The following HIPK2 variants were observed in gnomAD, a reference collection of about 807,000 sequenced individuals.
The protein encoded by HIPK2 is homeodomain interacting protein kinase 2.
In HIPK2, 27 loss-of-function variants were observed where a neutral mutation model predicts 113.7. That is an observed-to-expected ratio of 0.24 (90% confidence interval 0.17 to 0.33). HIPK2 has a LOEUF of 0.33. Ranked by LOEUF, HIPK2 falls within the 10% of genes least tolerant of loss-of-function variation. The pLI, the probability that HIPK2 is intolerant of heterozygous loss-of-function variation, is 1.00. For synonymous variants in HIPK2, 631 were observed against 642.2 expected (o/e 0.98, Z 0.26); for missense variants, 1,257 against 1,588.0 (o/e 0.79, Z 3.54).
chr7:139,645,547 C>G (rs1801181244), intron 2 of HIPK2, among the ~76,000 whole-genome samples: 1 of 152,186 alleles, frequency 6.6e-6, no homozygotes, highest in Admixed American at 6.5e-5. Context: ...CCGAAACCCA[C>G]TAATACCCTA....
At chr7:139,706,636 C>T (rs192904080) in intron 2 of HIPK2, among the ~76,000 whole-genome samples, 1 of 152,322 alleles carries the variant, frequency 6.6e-6, no homozygotes, top group Non-Finnish European at 1.5e-5. Flanking sequence ...TTCAGCCCCT[C>T]CCCTGCTCTG....
intron 2 of HIPK2, among the ~76,000 whole-genome samples, chr7:139,711,051 T>C (rs1368599063): frequency 6.6e-6 from 1 of 151,114 alleles, no homozygotes. Context: ...TTTATGGCAA[T>C]GCAAGAATGG....
rs534576282 is a variant in HIPK2 at position 139,650,391 on chromosome 7, G to A, written c.1104-18666C>T. Among the ~76,000 whole-genome samples the A allele has an allele frequency of 2.7e-5, 4 of 148,890 alleles. No individual in the cohort carries two copies. The South Asian group carries it at 8.4e-4, about 31-fold the overall frequency. On this transcript the variant is annotated intron_variant, in intron 2 of 14. Transcript: ENST00000406875. Reference sequence around the variant, plus strand: ...AAAAGGATATTTAATTTCTGAGGCTGATCTGGGGAACACAATAGTAAGTGG... The same window carrying A: ...AAAAGGATATTTAATTTCTGAGGCTAATCTGGGGAACACAATAGTAAGTGG...
intron 1 of HIPK2, among the ~76,000 whole-genome samples, chr7:139,748,562 C>T (rs1796228944): frequency 6.6e-6 from 1 of 152,000 alleles, no homozygotes; most frequent in East Asian, 1.9e-4. Flanking sequence ...TGCCTATTAA[C>T]CCAGTCTCTG....
chr7:139,732,913 G>T (rs1164412806), intron 1 of HIPK2, among the ~76,000 whole-genome samples: 1 of 151,644 alleles, frequency 6.6e-6, no homozygotes, highest in African/African-American at 2.4e-5. Context: ...GTAATCCCCA[G>T]TGTTGGAGGT....
intron 2 of HIPK2, among the ~76,000 whole-genome samples, chr7:139,701,891 G>A (rs1006637572): frequency 4.6e-5 from 7 of 152,244 alleles, no homozygotes; most frequent in East Asian, 3.9e-4. Context: ...AGACTGGAAC[G>A]GACGGTGAGC....
intron 2 of HIPK2, among the ~76,000 whole-genome samples, chr7:139,640,628 T>A (rs1772605939): frequency 6.6e-6 from 1 of 152,146 alleles, no homozygotes; most frequent in Admixed American, 6.5e-5. Context: ...AGCAATGAAA[T>A]AAACAGATCA....
intron 1 of HIPK2, among the ~76,000 whole-genome samples, chr7:139,736,174 G>A (rs1381688896): frequency 6.6e-6 from 1 of 152,168 alleles, no homozygotes; most frequent in Non-Finnish European, 1.5e-5. Flanking sequence ...TCTGAGAGGC[G>A]ATAGGAACCT....
intron 2 of HIPK2, among the ~76,000 whole-genome samples, chr7:139,688,917 A>C (rs1406888426): frequency 6.6e-6 from 1 of 152,228 alleles, no homozygotes; most frequent in East Asian, 1.9e-4. Flanking sequence ...GGGTACATTC[A>C]GGGGCTTATG....
At chr7:139,692,461 T>C (rs1001383530) in intron 2 of HIPK2, among the ~76,000 whole-genome samples, 3 of 152,286 alleles carry the variant, frequency 2.0e-5, no homozygotes, top group African/African-American at 4.8e-5. Flanking sequence ...CATCCTAGAC[T>C]TTCACAGCAA....
intron 1 of HIPK2, among the ~76,000 whole-genome samples, chr7:139,720,078 C>T (rs1440354253): frequency 1.3e-5 from 2 of 152,250 alleles, no homozygotes; most frequent in African/African-American, 4.8e-5. Flanking sequence ...GGGTCCTTAA[C>T]TTGAATGAAG....
intron 2 of HIPK2, 121 bp downstream of exon 2, chr7:139,715,811 T>C: frequency 1.5e-6 from 2 of 1,352,024 alleles, no homozygotes; most frequent in South Asian, 1.5e-5. Context: ...TACATTAAGA[T>C]CACTTGAAGG....
chr7:139,688,971 T>C (rs1224166908), intron 2 of HIPK2, among the ~76,000 whole-genome samples: 1 of 152,222 alleles, frequency 6.6e-6, no homozygotes, highest in Admixed American at 6.5e-5. Flanking sequence ...TACTAAGAGT[T>C]TATACCTTAT....
intron 2 of HIPK2, among the ~76,000 whole-genome samples, chr7:139,646,813 GGAGGGAGGGACTCTT>G (rs1157070212): frequency 6.6e-6 from 1 of 152,120 alleles, no homozygotes; most frequent in Non-Finnish European, 1.5e-5. Flanking sequence ...CAGGAGGAAG[GGAGGGAGGGACTCTT>G]GAGGGAAGTC....
intron 2 of HIPK2, among the ~76,000 whole-genome samples, chr7:139,692,740 G>A (rs202005512): frequency 1.7e-4 from 26 of 152,188 alleles, no homozygotes; most frequent in Middle Eastern, 3.4e-3. Context: ...ATGTGCTTAC[G>A]TCCCAAACAT....
intron 2 of HIPK2, among the ~76,000 whole-genome samples, chr7:139,707,808 T>G (rs1794946817): frequency 6.6e-6 from 1 of 152,200 alleles, no homozygotes; most frequent in Non-Finnish European, 1.5e-5. Flanking sequence ...AGCAGCTCCT[T>G]GGCAGTGAGT....
chr7:139,753,817 T>A (rs1796319771), intron 1 of HIPK2, among the ~76,000 whole-genome samples: 1 of 152,176 alleles, frequency 6.6e-6, no homozygotes, highest in South Asian at 2.1e-4. Flanking sequence ...GCAAAGGAGG[T>A]GAGCCTTTCC....
intron 2 of HIPK2, among the ~76,000 whole-genome samples, chr7:139,713,041 G>C (rs1374803566): frequency 6.6e-6 from 1 of 152,188 alleles, no homozygotes; most frequent in Non-Finnish European, 1.5e-5. Flanking sequence ...AGGCCTTCTT[G>C]CTCAGAATTT....
Position 139,715,991 on chromosome 7 carries a change from A to G in HIPK2, c.1044T>C (p.Gly348=). Residue 348 remains glycine (G), a synonymous_variant, in exon 2 of 15, where the codon GGT becomes GGC. Transcript: ENST00000406875. ...CAGCCTTGGAGACGTGGCTGGCTGA[A>G]CCAAAGTCGATGACCTTGACTCTGT... is the stretch of plus-strand genomic sequence containing the variant. The part of the protein sequence containing the change: ...QPYRVKVIDF[G]SASHVSKAVC... The G allele has an allele frequency of 6.2e-7, 1 of 1,614,118 alleles. No individual in the cohort carries two copies. Among genetic ancestry groups the G allele is most frequent in the Non-Finnish European group, 8.5e-7 (1 of 1,180,000 alleles).
Sources: allele counts gnomAD v4.1 joint callset (sites outside exome capture counted in the v4.1 genomes callset), GRCh38; gene constraint gnomAD v4.1.1; transcripts MANE v1.5; gene names NCBI Gene and HGNC (gene_info 2026-07-23, HGNC 2026-07-21).